Variants in ZFP91 observed in about 807,000 individuals in gnomAD.
ZFP91 encodes the protein E3 ubiquitin-protein ligase ZFP91.
In ZFP91, 7 loss-of-function variants were observed where a neutral mutation model predicts 63.5. The observed-to-expected ratio is 0.11, with a 90% CI of 0.06 to 0.21. The LOEUF is 0.21. Ranked by LOEUF, ZFP91 falls within the 10% of genes least tolerant of loss-of-function variation. The pLI is 1.00. For missense variants in ZFP91, 628 were observed against 736.6 expected (o/e 0.85, Z 1.71); for synonymous variants, 330 against 272.1 (o/e 1.21, Z -2.10).
In ZFP91 at chr11:58,591,556, C is replaced by G. The variant is rs560253920; in HGVS notation, c.370+6672C>G. Among the ~76,000 whole-genome samples, 9 of 152,280 alleles carry G rather than the reference C, an allele frequency of 5.9e-5. No individual in the cohort carries two copies. In the South Asian group the frequency reaches 1.9e-3, roughly 32 times the overall value. On this transcript the variant is annotated intron_variant, in intron 2 of 10. Coordinates refer to ENST00000316059, the MANE Select transcript of ZFP91 (RefSeq NM_053023.5). ...CAATACAGTTTTAGAACTTTTTCTT[C>G]ACCCTAATAATGTCCTTCATGCCTG...
intron 2 of ZFP91, among the ~76,000 whole-genome samples, chr11:58,597,314 CTTG>C (rs1445396574): frequency 6.6e-6 from 1 of 152,134 alleles, no homozygotes; most frequent in Non-Finnish European, 1.5e-5. Flanking sequence ...TGCTTTAAAT[CTTG>C]TTGCTTACTT....
chr11:58,605,055 T>C (rs1001359624), intron 2 of ZFP91, among the ~76,000 whole-genome samples: 23 of 152,252 alleles, frequency 1.5e-4, no homozygotes, highest in African/African-American at 5.3e-4. Flanking sequence ...GTTGCAGATA[T>C]ATAGCAGTGT....
intron 8 of ZFP91, 61 bp from the exon 9 acceptor site, chr11:58,614,168 C>CAAG: frequency 9.2e-7 from 1 of 1,085,910 alleles, no homozygotes; most frequent in East Asian, 2.4e-5. Flanking sequence ...TTAGCAAAGA[C>CAAG]AAGTACTTTC....
In ZFP91 at chr11:58,579,206, C is replaced by A; in HGVS notation, c.-76C>A. 9.1e-7 allele frequency: 1 copy of A among 1,093,710 alleles called. No homozygotes were observed. The highest frequency in any genetic ancestry group is 1.1e-6 in the Non-Finnish European group (1 of 884,330). 67.8% of individuals were successfully genotyped at this position (1,093,710 alleles called of 1,614,324 possible). A position where few individuals can be genotyped will look rare whatever the true frequency, so the allele number is the denominator to read the frequency against. Reference sequence around the variant, plus strand: ...CCGCAGGCTTCGGGAGGCGAGGGGGCGGGGGGAGCAGCGCCGAGGCCGCCG... The same window carrying A: ...CCGCAGGCTTCGGGAGGCGAGGGGGAGGGGGGAGCAGCGCCGAGGCCGCCG... On this transcript the variant is annotated 5_prime_UTR_variant, in exon 1 of 11. Coordinates refer to ENST00000316059, the MANE Select transcript of ZFP91 (RefSeq NM_053023.5).
intron 9 of ZFP91, 38 bp from the exon 10 acceptor site, chr11:58,616,678 A>G (rs748312719): frequency 6.4e-7 from 1 of 1,555,110 alleles, no homozygotes; most frequent in African/African-American, 1.4e-5. Flanking sequence ...TTTACAGGGT[A>G]TCTAAATAGA....
intron 2 of ZFP91, among the ~76,000 whole-genome samples, chr11:58,604,508 T>G (rs960273748): frequency 1.3e-5 from 2 of 152,202 alleles, no homozygotes; most frequent in Non-Finnish European, 1.5e-5. Context: ...CATCCCAGTT[T>G]GTTGTGATTG....
At chr11:58,608,978 A>G (rs1331956315) in intron 2 of ZFP91, among the ~76,000 whole-genome samples, 4 of 152,072 alleles carry the variant, frequency 2.6e-5, no homozygotes, top group African/African-American at 4.8e-5. Context: ...AATTGTTTTT[A>G]TGTGTATCTT....
chr11:58,606,628 T>TTTTCAACC (rs1455314080), intron 2 of ZFP91, among the ~76,000 whole-genome samples: 1 of 152,046 alleles, frequency 6.6e-6, no homozygotes, highest in Non-Finnish European at 1.5e-5. Context: ...ACCCAATAGT[T>TTTTCAACC]TTTCAACCTC....
At chr11:58,609,310 T>A (rs1855619743) in intron 2 of ZFP91, among the ~76,000 whole-genome samples, 1 of 152,240 alleles carries the variant, frequency 6.6e-6, no homozygotes, top group South Asian at 2.1e-4. Flanking sequence ...ACCATTCAAT[T>A]GCTCTATAGA....
chr11:58,604,282 G>A (rs1272882421), intron 2 of ZFP91, among the ~76,000 whole-genome samples: 1 of 152,134 alleles, frequency 6.6e-6, no homozygotes, highest in Non-Finnish European at 1.5e-5. Context: ...TAAGAATAAG[G>A]ACATCACACA....
intron 2 of ZFP91, among the ~76,000 whole-genome samples, chr11:58,595,873 C>G (rs1048285093): frequency 1.3e-5 from 2 of 152,068 alleles, no homozygotes; most frequent in Non-Finnish European, 2.9e-5. Flanking sequence ...GCACGCCTGG[C>G]CTAGCATTAA....
At chr11:58,609,565 T>C (rs372736308) in intron 2 of ZFP91, among the ~76,000 whole-genome samples, 32 of 152,336 alleles carry the variant, frequency 2.1e-4, no homozygotes, top group African/African-American at 7.7e-4. Context: ...TTAAGTGTAT[T>C]TTGCATAGTT....
chr11:58,620,388 C>CT lies in ZFP91; in HGVS notation c.*2687dup, dbSNP rs1246007590. 6.6e-6 allele frequency: 1 copy of CT among 152,110 alleles called. No individual in the cohort carries two copies. The highest frequency in any genetic ancestry group is 2.4e-5 in the African/African-American group (1 of 41,394). 9.4% of individuals were successfully genotyped at this position (152,110 alleles called of 1,614,324 possible). On this transcript the variant is annotated 3_prime_UTR_variant, in exon 11 of 11. Transcript: ENST00000316059. ...CATGCTCTTAGTCAAATTCTGTTAC[C>CT]TTTTTAATAACTCTTCCCACTGCAT...
At chr11:58,597,811 C>CA (rs1347115939) in intron 2 of ZFP91, among the ~76,000 whole-genome samples, 1 of 152,192 alleles carries the variant, frequency 6.6e-6, no homozygotes, top group African/African-American at 2.4e-5. Flanking sequence ...TGCAGCTACA[C>CA]ACCTCAACCT....
intron 2 of ZFP91, among the ~76,000 whole-genome samples, chr11:58,599,028 T>C (rs1855451515): frequency 6.6e-6 from 1 of 152,190 alleles, no homozygotes; most frequent in African/African-American, 2.4e-5. Flanking sequence ...CTATTCTGGA[T>C]ATTATATGTA....
chr11:58,592,602 G>A (rs1412799625), intron 2 of ZFP91, among the ~76,000 whole-genome samples: 2 of 152,124 alleles, frequency 1.3e-5, no homozygotes, highest in African/African-American at 2.4e-5. Flanking sequence ...GTATGATCTC[G>A]CTTGTGTGTA....
intron 7 of ZFP91, 59 bp from the exon 8 acceptor site, chr11:58,612,703 A>G: frequency 7.4e-7 from 1 of 1,347,506 alleles, no homozygotes; most frequent in South Asian, 1.3e-5. Flanking sequence ...GTCAGAGGCC[A>G]CTGTGCAGAG....
intron 2 of ZFP91, among the ~76,000 whole-genome samples, chr11:58,606,259 G>A (rs1273719547): frequency 6.6e-6 from 1 of 152,156 alleles, no homozygotes. Context: ...TAGAGACGGG[G>A]TTTTGCCATG....
chr11:58,589,638 T>C (rs1003215632), intron 2 of ZFP91, among the ~76,000 whole-genome samples: 16 of 152,360 alleles, frequency 1.1e-4, no homozygotes, highest in African/African-American at 3.8e-4. Context: ...ATACAGTAGA[T>C]AGACATTTTT....
Sources: gnomAD v4.1 joint callset for allele counts (sites outside exome capture counted in the v4.1 genomes callset) on GRCh38, gnomAD v4.1.1 for gene constraint, MANE v1.5 for transcripts, NCBI Gene and HGNC (gene_info 2026-07-23, HGNC 2026-07-21) for gene names.